Variants in CFHR4 observed in about 807,000 individuals in gnomAD.
The protein encoded by CFHR4 is complement factor H related 4.
CFHR4 carries 64 observed loss-of-function variants against 69.3 expected under a neutral mutation model. The observed-to-expected ratio is 0.92, with a 90% CI of 0.76 to 1.14. The LOEUF (loss-of-function observed/expected upper bound fraction) is 1.14, where lower values mean the gene tolerates loss of function less well. Ranked by LOEUF, CFHR4 falls within the 50% of genes most tolerant of loss-of-function variation. The pLI is 0.00. For missense variants in CFHR4, 636 were observed against 684.9 expected (o/e 0.93, Z 0.80); for synonymous variants, 244 against 237.0 (o/e 1.03, Z -0.27).
chr1:196,918,281 T>C lies in CFHR4; in HGVS notation c.1612T>C (p.Tyr538His), dbSNP rs200907976. The C allele has an allele frequency of 5.5e-5, 88 of 1,609,126 alleles. 3 individuals are homozygous for C. The African/African-American group carries it at 1.0e-3, about 19-fold the overall frequency. ...IQLKGKSDIKYYAKTGDTIEF... is the reference protein window; with the variant it reads ...IQLKGKSDIKHYAKTGDTIEF... ...GTTAAAAGGAAAAAGTGACATAAAA[T>C]ATTATGCAAAAACAGGGGATACCAT... Residue 538 changes from tyrosine (Y) to histidine (H), a missense_variant, in exon 10 of 10, where the codon TAT becomes CAT. By Grantham distance (83) the Tyr-to-His change is moderately conservative (BLOSUM62 2). Around this residue, in one of 3 missense-constraint regions of CFHR4, gnomAD observed 85 missense variants for 79.0 expected, o/e 1.08. Coordinates refer to ENST00000608469, the MANE Select transcript of CFHR4 (RefSeq NM_001201550.3).
chr1:196,905,980 A>G (rs1186586505), intron 3 of CFHR4, among the ~76,000 whole-genome samples: 1 of 151,588 alleles, frequency 6.6e-6, no homozygotes, highest in Non-Finnish European at 1.5e-5. Flanking sequence ...TGCAGTGGCA[A>G]AAGTTTATCT....
chr1:196,918,326 G>A lies in CFHR4; in HGVS notation c.1657G>A (p.Gly553Arg), dbSNP rs1658778577. The A allele has an allele frequency of 6.2e-7, 1 of 1,611,446 alleles. No individual in the cohort carries two copies. The highest frequency in any genetic ancestry group is 8.5e-7 in the Non-Finnish European group (1 of 1,178,768). ...TACCATTGAATTTATGTGTAAATTGGGATATAATGCGAATACATCAGTTCT... is the reference window on the plus strand; with the variant it reads ...TACCATTGAATTTATGTGTAAATTGAGATATAATGCGAATACATCAGTTCT... ...GDTIEFMCKL[G>R]YNANTSVLSF... is the part of the protein sequence containing the mutation. The change falls in exon 10 of 10, where the codon GGA becomes AGA. Residue 553 changes from glycine (G) to arginine (R), a missense_variant. By Grantham distance (125) the Gly-to-Arg change is moderately radical. This residue lies in a region of CFHR4 where 85 missense variants were observed against 79.0 expected (regional missense o/e 1.08). Coordinates refer to ENST00000608469, the MANE Select transcript of CFHR4 (RefSeq NM_001201550.3).
chr1:196,902,461 ATAT>A lies in CFHR4; in HGVS notation c.106_108del (p.Tyr36del). ...TTCCAGAAATTCAACATGGAGGTCT[ATAT>A]TATAAGAGTTTGCGTAGACTATACT... On this transcript the variant is annotated inframe_deletion, in exon 2 of 10. Coordinates refer to ENST00000608469, the MANE Select transcript of CFHR4 (RefSeq NM_001201550.3). The A allele has an allele frequency of 6.2e-7, 1 of 1,611,908 alleles. No individual in the cohort carries two copies. The highest frequency in any genetic ancestry group is 8.5e-7 in the Non-Finnish European group (1 of 1,178,890).
At position 196,914,568 on chromosome 1, in the gene CFHR4, A is replaced by G. The variant is rs756178556; in HGVS notation, c.1254A>G (p.Thr418=). The G allele has an allele frequency of 1.2e-6, 2 of 1,611,782 alleles. No individual in the cohort carries two copies. The highest frequency in any genetic ancestry group is 1.7e-6 in the Non-Finnish European group (2 of 1,179,132). ...SNGMRFKLHD[T]LDYECYDGYE... is the part of the protein sequence containing the mutation. ...GCATGCGGTTTAAGCTCCATGACACATTGGACTACGAATGCTACGATGGAT... is the reference window on the plus strand; with the variant it reads ...GCATGCGGTTTAAGCTCCATGACACGTTGGACTACGAATGCTACGATGGAT... Residue 418 remains threonine, a synonymous_variant, in exon 8 of 10, where the codon ACA becomes ACG. Transcript: ENST00000608469.
At chr1:196,914,794 G>C in intron 8 of CFHR4, 123 bp downstream of exon 8, 1 of 1,405,946 alleles carries the variant, frequency 7.1e-7, no homozygotes, top group South Asian at 1.5e-5. Context: ...CTATGAGTGT[G>C]AATTATCTTG....
chr1:196,910,202 T>A, intron 5 of CFHR4, 79 bp from the exon 6 acceptor site: 7 of 718,642 alleles, frequency 9.7e-6, no homozygotes, highest in South Asian at 3.7e-5. Flanking sequence ...GAAGGTAACA[T>A]AATCAAAACA....
intron 5 of CFHR4, 59 bp downstream of exon 5, chr1:196,907,557 AT>A: frequency 7.0e-7 from 1 of 1,426,848 alleles, no homozygotes; most frequent in South Asian, 1.2e-5. Context: ...ATCCTTGTTT[AT>A]TTATACTAAA....
At chr1:196,906,782 T>C in intron 3 of CFHR4, 79 bp from the exon 4 acceptor site, 1 of 1,423,612 alleles carries the variant, frequency 7.0e-7, no homozygotes, top group South Asian at 1.5e-5. Flanking sequence ...GTAAATTTTA[T>C]TCCTACAATG....
At chr1:196,894,821 T>C (rs895930285) in intron 1 of CFHR4, among the ~76,000 whole-genome samples, 9 of 151,112 alleles carry the variant, frequency 6.0e-5, no homozygotes, top group African/African-American at 2.2e-4. Flanking sequence ...GAAGACTGAA[T>C]GGGGAGAGTT....
chr1:196,892,007 T>C (rs922221044), intron 1 of CFHR4, among the ~76,000 whole-genome samples: 1 of 151,578 alleles, frequency 6.6e-6, no homozygotes, highest in African/African-American at 2.4e-5. Flanking sequence ...TTTTTTCTTA[T>C]GTTATAGTAA....
chr1:196,908,820 C>A (rs971204390), intron 5 of CFHR4, among the ~76,000 whole-genome samples: 1 of 151,468 alleles, frequency 6.6e-6, no homozygotes, highest in Non-Finnish European at 1.5e-5. Context: ...TTCCTAAGTA[C>A]AGGATGATAC....
chr1:196,912,537 T>C (rs1447590015), intron 6 of CFHR4, among the ~76,000 whole-genome samples: 1 of 151,364 alleles, frequency 6.6e-6, no homozygotes, highest in Non-Finnish European at 1.5e-5. Flanking sequence ...TATTCTGCCC[T>C]TCCCTGTGTC....
chr1:196,889,300 G>GA (rs960474990), intron 1 of CFHR4, among the ~76,000 whole-genome samples: 12 of 150,562 alleles, frequency 8.0e-5, no homozygotes, highest in South Asian at 4.2e-4. Flanking sequence ...GTGCCAAAAT[G>GA]AAAAAAAAGG....
Position 196,910,339 on chromosome 1 carries a change from G to A in CFHR4, c.858G>A (p.Thr286=), listed in dbSNP as rs778653315. 108 of 1,611,624 alleles carry A rather than the reference G, an allele frequency of 6.7e-5. 1 individual carries two copies. The highest frequency in any genetic ancestry group is 8.1e-5 in the Non-Finnish European group (96 of 1,179,078). ...IQHGHLYYEN[T]RRPYFPVATG... ...ATGGACATCTATATTATGAGAATAC[G>A]CGTAGACCATACTTTCCAGTAGCTA... The change falls in exon 6 of 10, where the codon ACG becomes ACA. Residue 286 remains threonine (T), a synonymous_variant. Transcript: ENST00000608469.
chr1:196,914,513 T>C lies in CFHR4; in HGVS notation c.1199T>C (p.Val400Ala), dbSNP rs1658465543. The C allele has an allele frequency of 6.2e-7, 1 of 1,605,594 alleles. No homozygotes were observed. The highest frequency in any genetic ancestry group is 1.4e-5 in the African/African-American group (1 of 73,924). The part of the protein sequence containing the change: ...PICIKFCDMP[V>A]FENSRAKSNG... ...GTTTCAGAATTTTGTGATATGCCTGTTTTTGAGAATTCCAGAGCCAAGAGT... is the reference window on the plus strand; with the variant it reads ...GTTTCAGAATTTTGTGATATGCCTGCTTTTGAGAATTCCAGAGCCAAGAGT... The change falls in exon 8 of 10, where the codon GTT becomes GCT. Residue 400 changes from valine to alanine, a missense_variant. Val to Ala is a moderately conservative substitution (Grantham distance 64). This residue lies in a region of CFHR4 where 529 missense variants were observed against 533.2 expected (regional missense o/e 0.99). Transcript: ENST00000608469.
chr1:196,910,372 A>T lies in CFHR4; in HGVS notation c.891A>T (p.Gln297His), dbSNP rs1338335229. Reference sequence around the variant, plus strand: ...CATACTTTCCAGTAGCTACAGGACAATCTTACTCCTATTACTGTGACCAAA... The same window carrying T: ...CATACTTTCCAGTAGCTACAGGACATTCTTACTCCTATTACTGTGACCAAA... ...RRPYFPVATGQSYSYYCDQNF... is the reference protein window; with the variant it reads ...RRPYFPVATGHSYSYYCDQNF... Residue 297 changes from glutamine (Q) to histidine (H), a missense_variant, in exon 6 of 10, where the codon CAA becomes CAT. Physicochemically the swap from Gln to His is conservative, Grantham distance 24 (BLOSUM62 0). Coordinates refer to ENST00000608469, the MANE Select transcript of CFHR4 (RefSeq NM_001201550.3). The T allele has an allele frequency of 6.2e-7, 1 of 1,611,562 alleles. No individual in the cohort carries two copies.
At position 196,909,105 on chromosome 1, in the gene CFHR4, T is replaced by A. The variant is rs138705491; in HGVS notation, c.800-1176T>A. On this transcript the variant is annotated intron_variant, in intron 5 of 9. Transcript: ENST00000608469. ...TGAACATGATTTCATAGGAAAAATT[T>A]AGTATTAGGTTTCAGAGATAAATTC... is the stretch of plus-strand genomic sequence containing the variant. Among the ~76,000 whole-genome samples, 503 of 151,662 alleles carry A rather than the reference T, an allele frequency of 3.3e-3. 19 individuals are homozygous for A. The highest frequency in any genetic ancestry group is 0.011 in the African/African-American group (470 of 41,180).
intron 9 of CFHR4, among the ~76,000 whole-genome samples, chr1:196,915,519 T>C (rs4044593): frequency 2.6e-5 from 4 of 151,116 alleles, no homozygotes; most frequent in Admixed American, 6.6e-5. Flanking sequence ...CCTGTAATCC[T>C]AGCTACTCAG....
In CFHR4 at chr1:196,906,445, T is replaced by C. The variant is rs1657911131; in HGVS notation, c.440-416T>C. ...TTTTATAGAACGTATATCCAATGAA[T>C]ATAATTTTAATCCAACTTATAAACC... On this transcript the variant is annotated intron_variant, in intron 3 of 9. Coordinates refer to ENST00000608469, the MANE Select transcript of CFHR4 (RefSeq NM_001201550.3). Among the ~76,000 whole-genome samples the C allele has an allele frequency of 2.6e-5, 4 of 151,496 alleles. No homozygotes were observed. The South Asian group carries it at 8.3e-4, about 31-fold the overall frequency.
Sources: allele counts gnomAD v4.1 joint callset (sites outside exome capture counted in the v4.1 genomes callset), GRCh38; gene constraint gnomAD v4.1.1; regional missense constraint gnomAD v4.1.1; transcripts MANE v1.5; gene names NCBI Gene and HGNC (gene_info 2026-07-23, HGNC 2026-07-21).